The following TACC2 variants were observed in gnomAD, a reference collection of about 807,000 sequenced individuals.
The protein encoded by TACC2 is transforming acidic coiled-coil-containing protein 2.
In TACC2, 137 loss-of-function variants were observed where a neutral mutation model predicts 227.3. That is an observed-to-expected ratio of 0.60 (90% CI 0.52 to 0.69). The LOEUF is 0.69. Among genes scored for constraint, TACC2 ranks in the 30% least tolerant of loss-of-function variants. The pLI is 0.00. For synonymous variants in TACC2, 1,523 were observed against 1,487.5 expected, an observed-to-expected ratio of 1.02 and a Z score of -0.55; for missense variants, 3,470 against 3,694.4, an observed-to-expected ratio of 0.94 and a Z score of 1.57.
intron 11 of TACC2, among the ~76,000 whole-genome samples, chr10:122,223,184 G>C (rs914727518): frequency 1.8e-4 from 28 of 151,544 alleles, no homozygotes; most frequent in African/African-American, 6.3e-4. Context: ...CTCCCAAGTA[G>C]CTGGAACTAC....
intron 1 of TACC2, chr10:121,994,577 C>T (rs1170113692): frequency 6.6e-6 from 1 of 152,284 alleles, no homozygotes; most frequent in Non-Finnish European, 1.5e-5. Context: ...AGCCAATGCA[C>T]ATTTATAGAA....
chr10:122,178,217 A>G (rs960815826), intron 7 of TACC2, among the ~76,000 whole-genome samples: 2 of 148,352 alleles, frequency 1.3e-5, no homozygotes, highest in Non-Finnish European at 3.0e-5. Context: ...GGCCTCTTTT[A>G]TAAGGGTTTT....
At chr10:122,008,506 C>T (rs1403552264) in intron 1 of TACC2, among the ~76,000 whole-genome samples, 25 of 151,886 alleles carry the variant, frequency 1.6e-4, no homozygotes, top group African/African-American at 2.2e-4. Flanking sequence ...GTGATCTGCC[C>T]GCCTTGGCCT....
intron 2 of TACC2, among the ~76,000 whole-genome samples, chr10:122,042,049 C>T (rs1204808804): frequency 2.0e-5 from 3 of 151,876 alleles, no homozygotes; most frequent in Non-Finnish European, 2.9e-5. Flanking sequence ...AGGTTCACGC[C>T]ATTCTTCTGC....
At chr10:122,126,419 C>T (rs747659420) in intron 5 of TACC2, among the ~76,000 whole-genome samples, 1 of 150,912 alleles carries the variant, frequency 6.6e-6, no homozygotes, top group Admixed American at 6.7e-5. Context: ...TTTGACGCGA[C>T]TCCCCCAGCT....
chr10:122,022,147 AT>A, intron 2 of TACC2, 133 bp downstream of exon 2: 1 of 797,992 alleles, frequency 1.3e-6, no homozygotes, highest in Non-Finnish European at 2.1e-6. Flanking sequence ...GTGTGCGGGC[AT>A]TTATGGATCT....
intron 12 of TACC2, 87 bp from the exon 13 acceptor site, chr10:122,226,279 C>A: frequency 1.2e-6 from 1 of 852,966 alleles, no homozygotes. Flanking sequence ...GTTATTTGTT[C>A]TCTGTTGAAG....
intron 5 of TACC2, among the ~76,000 whole-genome samples, chr10:122,128,666 G>T (rs1212110288): frequency 6.6e-6 from 1 of 152,202 alleles, no homozygotes; most frequent in Non-Finnish European, 1.5e-5. Context: ...CATGGAAGTT[G>T]TTCCCTGGCA....
At chr10:122,145,091 A>G (rs2091192517) in intron 7 of TACC2, among the ~76,000 whole-genome samples, 1 of 152,204 alleles carries the variant, frequency 6.6e-6, no homozygotes, top group South Asian at 2.1e-4. Context: ...AAGAAATACA[A>G]TTACTCTTCT....
intron 3 of TACC2, among the ~76,000 whole-genome samples, chr10:122,070,183 A>G (rs1226154727): frequency 6.6e-6 from 1 of 152,224 alleles, no homozygotes. Flanking sequence ...GTAACATCTT[A>G]TGCGTCAGAG....
intron 5 of TACC2, among the ~76,000 whole-genome samples, chr10:122,105,463 G>A (rs1001284531): frequency 6.6e-6 from 1 of 152,140 alleles, no homozygotes; most frequent in Non-Finnish European, 1.5e-5. Context: ...GTTTCCTTCA[G>A]CCTCCTGAAG....
intron 3 of TACC2, among the ~76,000 whole-genome samples, chr10:122,061,475 G>A (rs567425084): frequency 6.6e-6 from 1 of 152,090 alleles, no homozygotes; most frequent in Non-Finnish European, 1.5e-5. Flanking sequence ...AGGTGAAGCT[G>A]TCAGGACAAA....
intron 7 of TACC2, among the ~76,000 whole-genome samples, chr10:122,166,828 A>AATAG (rs1451165634): frequency 7.2e-5 from 11 of 152,226 alleles, no homozygotes; most frequent in Admixed American, 5.9e-4. Flanking sequence ...TTTGTTTCTA[A>AATAG]ATAGAATATG....
chr10:122,137,598 G>A (rs2089908660), intron 6 of TACC2, among the ~76,000 whole-genome samples: 1 of 152,170 alleles, frequency 6.6e-6, no homozygotes, highest in South Asian at 2.1e-4. Context: ...AATCCATGCA[G>A]AGAGGTCCCC....
chr10:122,187,880 A>G (rs2094264547), intron 7 of TACC2, among the ~76,000 whole-genome samples: 1 of 152,130 alleles, frequency 6.6e-6, no homozygotes, highest in Admixed American at 6.5e-5. Flanking sequence ...ATGGTCATTA[A>G]TATCCCCATT....
intron 8 of TACC2, among the ~76,000 whole-genome samples, chr10:122,203,389 G>A (rs1468666198): frequency 1.3e-5 from 2 of 150,284 alleles, no homozygotes; most frequent in South Asian, 2.1e-4. Flanking sequence ...CCTCCCTCCC[G>A]GACGGGGCGG....
chr10:122,223,364 G>A (rs2095560272), intron 11 of TACC2, among the ~76,000 whole-genome samples: 1 of 152,170 alleles, frequency 6.6e-6, no homozygotes, highest in African/African-American at 2.4e-5. Context: ...GTGAGGAGGC[G>A]ATTAAGACTT....
At chr10:122,170,366 G>A (rs1450276594) in intron 7 of TACC2, among the ~76,000 whole-genome samples, 1 of 149,418 alleles carries the variant, frequency 6.7e-6, no homozygotes, top group African/African-American at 2.5e-5. Flanking sequence ...CGTCTCCTGG[G>A]TTCAAGCGAT....
intron 5 of TACC2, chr10:122,112,946 C>A (rs1317721780): frequency 6.6e-6 from 1 of 152,018 alleles, no homozygotes. Flanking sequence ...CGAGCGCTGC[C>A]CCGGGTCGGA....
Sources: gnomAD v4.1 joint callset for allele counts (sites outside exome capture counted in the v4.1 genomes callset) on GRCh38, gnomAD v4.1.1 for gene constraint, MANE v1.5 for transcripts, NCBI Gene and HGNC (gene_info 2026-07-23, HGNC 2026-07-21) for gene names.